MOV10L1: variants seen among roughly 807,000 people sequenced by gnomAD.
The protein encoded by MOV10L1 is RNA helicase Mov10l1.
MOV10L1 carries 110 observed loss-of-function variants against 143.8 expected under a neutral mutation model. The observed-to-expected ratio is 0.76, with a 90% CI of 0.66 to 0.90. MOV10L1 has a LOEUF of 0.90. Among genes scored for constraint, MOV10L1 ranks in the 40% least tolerant of loss-of-function variants. The probability of loss-of-function intolerance (pLI) is 0.00; values close to 1 mark genes in which losing one functional copy is unlikely to be tolerated. For synonymous variants in MOV10L1, 593 were observed against 581.1 expected (o/e 1.02, Z -0.29); for missense variants, 1,406 against 1,526.8 (o/e 0.92, Z 1.32).
intron 13 of MOV10L1, among the ~76,000 whole-genome samples, chr22:50,128,890 C>T (rs2062592239): frequency 6.6e-6 from 1 of 151,272 alleles, no homozygotes. Context: ...TGGTCATAAA[C>T]TCCTAGGCTC....
chr22:50,113,905 A>ATT, intron 6 of MOV10L1, 117 bp downstream of exon 6: 1 of 663,400 alleles, frequency 1.5e-6, no homozygotes, highest in Non-Finnish European at 2.1e-6. Context: ...CTTTATGAAG[A>ATT]TCTTTTCTTT....
At chr22:50,132,028 C>T (rs1337586450) in intron 13 of MOV10L1, among the ~76,000 whole-genome samples, 1 of 152,222 alleles carries the variant, frequency 6.6e-6, no homozygotes, top group East Asian at 1.9e-4. Flanking sequence ...CCTCACGCAG[C>T]AGAAGGGATG....
At chr22:50,133,454 TAAA>T (rs138255) in intron 13 of MOV10L1, among the ~76,000 whole-genome samples, 5 of 127,246 alleles carry the variant, frequency 3.9e-5, no homozygotes, top group Admixed American at 7.9e-5. Context: ...GCAGAGTCTC[TAAA>T]AAAAAAAAAA....
At chr22:50,138,773 G>A (rs550252337) in intron 15 of MOV10L1, among the ~76,000 whole-genome samples, 17 of 152,132 alleles carry the variant, frequency 1.1e-4, no homozygotes, top group Admixed American at 8.5e-4. Flanking sequence ...GGCGGATCTC[G>A]GCTCACTGCA....
chr22:50,099,013 C>G (rs2147042432), intron 2 of MOV10L1, among the ~76,000 whole-genome samples: 1 of 152,350 alleles, frequency 6.6e-6, no homozygotes, highest in Non-Finnish European at 1.5e-5. Flanking sequence ...ATAAACCCCA[C>G]TTAGTCATGG....
chr22:50,097,124 A>T (rs578131006), intron 2 of MOV10L1, among the ~76,000 whole-genome samples: 148 of 152,164 alleles, frequency 9.7e-4, no homozygotes, highest in African/African-American at 1.7e-3. Flanking sequence ...ATTAAAAAAA[A>T]TTTTTTGAGA....
intron 12 of MOV10L1, among the ~76,000 whole-genome samples, chr22:50,127,397 T>C (rs1350563968): frequency 6.6e-6 from 1 of 152,238 alleles, no homozygotes; most frequent in Non-Finnish European, 1.5e-5. Flanking sequence ...GGATGCCACC[T>C]GCACCTGTTC....
chr22:50,104,494 A>T (rs1403544561), intron 3 of MOV10L1, among the ~76,000 whole-genome samples: 2 of 152,248 alleles, frequency 1.3e-5, no homozygotes, highest in Admixed American at 6.5e-5. Flanking sequence ...AGCTACAGCC[A>T]GGATGACCAT....
chr22:50,156,501 AT>A (rs1363326872), intron 22 of MOV10L1, among the ~76,000 whole-genome samples: 1 of 152,226 alleles, frequency 6.6e-6, no homozygotes, highest in Non-Finnish European at 1.5e-5. Flanking sequence ...CAGTATTAAA[AT>A]TCTATACCCA....
chr22:50,147,279 G>A (rs1403931050), intron 19 of MOV10L1: 23 of 279,944 alleles, frequency 8.2e-5, no homozygotes, highest in South Asian at 2.6e-4. Context: ...GCTGCAGGCC[G>A]CTCTCTCAGA....
chr22:50,142,051 TA>T (rs1569030788), intron 15 of MOV10L1, 29 bp from the exon 16 acceptor site: 1 of 1,595,040 alleles, frequency 6.3e-7, no homozygotes, highest in Admixed American at 1.7e-5. Flanking sequence ...GCTGTTTTTT[TA>T]AAACATTTTT....
intron 19 of MOV10L1, among the ~76,000 whole-genome samples, chr22:50,149,193 G>A (rs2063230010): frequency 6.6e-6 from 1 of 152,250 alleles, no homozygotes; most frequent in Admixed American, 6.5e-5. Context: ...CACCTCCCGA[G>A]AGACACGTGG....
Position 50,128,400 on chromosome 22 carries a change from T to C in MOV10L1, c.1819-16T>C, listed in dbSNP as rs990668977. The C allele has an allele frequency of 3.9e-6, 5 of 1,296,540 alleles. No individual in the cohort carries two copies. The highest frequency in any genetic ancestry group is 5.5e-6 in the Non-Finnish European group (5 of 908,952). 80.3% of individuals were successfully genotyped at this position (1,296,540 alleles called of 1,614,324 possible). Reference sequence around the variant, plus strand: ...TTATTTCAAGAAATCAGGTATATTGTTTGTTCCTTTTTTAGATTCATGAAG... The same window carrying C: ...TTATTTCAAGAAATCAGGTATATTGCTTGTTCCTTTTTTAGATTCATGAAG... On this transcript the variant is annotated splice_polypyrimidine_tract_variant and intron_variant, in intron 12 of 26. Transcript: ENST00000262794.
Position 50,134,022 on chromosome 22 carries a change from G to A in MOV10L1, c.1926G>A (p.Arg642=), listed in dbSNP as rs148444495. 5.9e-5 allele frequency: 95 copies of A among 1,611,926 alleles called. No individual in the cohort carries two copies. The highest frequency in any genetic ancestry group is 7.6e-5 in the Non-Finnish European group (90 of 1,179,572). The change falls in exon 14 of 27, where the codon CGG becomes CGA. Residue 642 remains arginine (R), a synonymous_variant. Coordinates refer to ENST00000262794, the MANE Select transcript of MOV10L1 (RefSeq NM_018995.3). ...TTTCCTGCAGGACCACAAGCAGACG[G>A]TGTCACTTTGCACTTGAACACGTCA... ...EFTYNRTTSR[R]CHFALEHVIH... is the part of the protein sequence containing the mutation.
intron 6 of MOV10L1, 92 bp from the exon 7 acceptor site, chr22:50,114,289 C>A: frequency 6.9e-7 from 1 of 1,446,788 alleles, no homozygotes; most frequent in Non-Finnish European, 9.4e-7. Flanking sequence ...TTGCAGTCAC[C>A]ACTTCCTAGA....
intron 3 of MOV10L1, among the ~76,000 whole-genome samples, chr22:50,107,845 C>G (rs2061915026): frequency 6.6e-6 from 1 of 152,184 alleles, no homozygotes; most frequent in South Asian, 2.1e-4. Flanking sequence ...GGGGATGCCA[C>G]CTGCCCTCAG....
At position 50,100,937 on chromosome 22, in the gene MOV10L1, G is replaced by A. The variant is rs546411713; in HGVS notation, c.442+1335G>A. 1.1e-4 allele frequency among the ~76,000 whole-genome samples: 17 copies of A among 152,336 alleles called. No individual in the cohort carries two copies. In the South Asian group the frequency reaches 3.5e-3, roughly 32 times the overall value. On this transcript the variant is annotated intron_variant, in intron 3 of 26. Transcript: ENST00000262794. ...GGTTTACTCTACTCCTGCTGCCTAT[G>A]GTGGTGAAGACGGAGCTGGACTCCA...
intron 15 of MOV10L1, among the ~76,000 whole-genome samples, chr22:50,141,489 C>T (rs558999732): frequency 3.0e-5 from 4 of 133,858 alleles, no homozygotes; most frequent in East Asian, 4.5e-4. Context: ...CCACCATGCC[C>T]GGCTAATTTT....
chr22:50,145,680 T>A lies in MOV10L1; in HGVS notation c.2506-9T>A, dbSNP rs2063133467. ...GGAGTAAACTAACTCTACGCCTCCTTGCCCCCAGATAGTTATTGACGCCGT... is the reference window on the plus strand; with the variant it reads ...GGAGTAAACTAACTCTACGCCTCCTAGCCCCCAGATAGTTATTGACGCCGT... On this transcript the variant is annotated splice_polypyrimidine_tract_variant and intron_variant, in intron 18 of 26. Coordinates refer to ENST00000262794, the MANE Select transcript of MOV10L1 (RefSeq NM_018995.3). 6.2e-7 allele frequency: 1 copy of A among 1,613,960 alleles called. No individual in the cohort carries two copies. The highest frequency in any genetic ancestry group is 8.5e-7 in the Non-Finnish European group (1 of 1,179,942).
Sources: gnomAD v4.1 joint callset for allele counts (sites outside exome capture counted in the v4.1 genomes callset) on GRCh38, gnomAD v4.1.1 for gene constraint, MANE v1.5 for transcripts, NCBI Gene and HGNC (gene_info 2026-07-23, HGNC 2026-07-21) for gene names.